The following API5 variants were observed in gnomAD, a reference collection of about 807,000 sequenced individuals.
API5 encodes the protein apoptosis inhibitor 5.
API5 carries 6 observed loss-of-function variants against 71.9 expected under a neutral mutation model. The ratio of observed to expected loss-of-function variants is 0.08; its 90% confidence interval spans 0.05 to 0.16. The LOEUF (loss-of-function observed/expected upper bound fraction) is 0.16, where lower values mean the gene tolerates loss of function less well. Among genes scored for constraint, API5 ranks in the 10% least tolerant of loss-of-function variants. API5 has a pLI of 1.00. For missense variants in API5, 332 were observed against 612.8 expected, an observed-to-expected ratio of 0.54 and a Z score of 4.84; for synonymous variants, 189 against 221.3, an observed-to-expected ratio of 0.85 and a Z score of 1.30.
At position 43,342,856 on chromosome 11, in the gene API5, GATC is replaced by G. The variant is rs1855668800; in HGVS notation, c.*351_*353del. The G allele has an allele frequency of 3.7e-6, 2 of 545,528 alleles. No individual in the cohort carries two copies. Among genetic ancestry groups the G allele is most frequent in the Non-Finnish European group, 6.4e-6 (2 of 310,266 alleles). 33.8% of individuals were successfully genotyped at this position (545,528 alleles called of 1,614,324 possible). ...AATTCAGTCTAGTTCTGCTGATAAAGATCATCAGTTTTGAAAGGTTACTGATTT... is the reference window on the plus strand; with the variant it reads ...AATTCAGTCTAGTTCTGCTGATAAAGATCAGTTTTGAAAGGTTACTGATTT... On this transcript the variant is annotated 3_prime_UTR_variant, in exon 14 of 14. Transcript: ENST00000531273.
At chr11:43,341,172 C>G (rs139846601) in intron 13 of API5, among the ~76,000 whole-genome samples, 21 of 152,172 alleles carry the variant, frequency 1.4e-4, no homozygotes, top group African/African-American at 4.8e-4. Flanking sequence ...TGAAAAAATT[C>G]TAAACACTAA....
rs1854487647 is a variant in API5 at position 43,312,046 on chromosome 11, T to C, written c.-82T>C. The C allele has an allele frequency of 6.0e-6, 9 of 1,490,256 alleles. No homozygotes were observed. Among genetic ancestry groups the C allele is most frequent in the South Asian group, 1.2e-5 (1 of 86,286 alleles). 92.3% of individuals were successfully genotyped at this position (1,490,256 alleles called of 1,614,324 possible). A position where few individuals can be genotyped will look rare whatever the true frequency, so the allele number is the denominator to read the frequency against. ...GCTGGAGGTGTAATAGTGCGGGTAGTGGGTTTGGAGAAGTTCCGAGGCGGC... is the reference window on the plus strand; with the variant it reads ...GCTGGAGGTGTAATAGTGCGGGTAGCGGGTTTGGAGAAGTTCCGAGGCGGC... On this transcript the variant is annotated 5_prime_UTR_variant, in exon 1 of 14. Coordinates refer to ENST00000531273, the MANE Select transcript of API5 (RefSeq NM_001142930.2).
chr11:43,313,739 T>G (rs1377785930), intron 1 of API5, among the ~76,000 whole-genome samples: 1 of 152,188 alleles, frequency 6.6e-6, no homozygotes, highest in African/African-American at 2.4e-5. Flanking sequence ...TGTTCTGCTG[T>G]ACATGTGGAT....
chr11:43,329,840 CTTCT>C, intron 9 of API5, 121 bp from the exon 10 acceptor site: 1 of 722,134 alleles, frequency 1.4e-6, no homozygotes, highest in East Asian at 2.7e-5. Context: ...TTAAAATTCT[CTTCT>C]TTAATTTACT....
intron 6 of API5, 26 bp downstream of exon 6, chr11:43,323,662 G>T: frequency 6.3e-7 from 1 of 1,590,652 alleles, no homozygotes; most frequent in South Asian, 1.1e-5. Flanking sequence ...TTACACACCC[G>T]GTATTAGCTA....
intron 1 of API5, among the ~76,000 whole-genome samples, chr11:43,312,976 A>C (rs1054548378): frequency 6.6e-6 from 1 of 151,872 alleles, no homozygotes; most frequent in Non-Finnish European, 1.5e-5. Context: ...GCGTGGTGAC[A>C]CGCGCTTGTA....
chr11:43,333,607 CAGAT>C (rs1212082885), intron 11 of API5, among the ~76,000 whole-genome samples: 5 of 152,188 alleles, frequency 3.3e-5, no homozygotes, highest in African/African-American at 9.6e-5. Flanking sequence ...TACATTAATA[CAGAT>C]AGATATATGA....
chr11:43,316,406 A>G (rs1168381267), intron 1 of API5, among the ~76,000 whole-genome samples: 1 of 150,750 alleles, frequency 6.6e-6, no homozygotes, highest in Admixed American at 6.6e-5. Flanking sequence ...TTTTTCATTT[A>G]ATTTTGGACA....
At chr11:43,321,627 T>A in intron 4 of API5, 151 bp downstream of exon 4, 1 of 618,080 alleles carries the variant, frequency 1.6e-6, no homozygotes, top group South Asian at 2.7e-5. Context: ...TAGGTCAAGA[T>A]GTTTATGACT....
chr11:43,326,698 AG>A, intron 7 of API5, 87 bp downstream of exon 7: 1 of 774,592 alleles, frequency 1.3e-6, no homozygotes, highest in Non-Finnish European at 2.2e-6. Context: ...CCGATTTCTA[AG>A]GGAGCAGTTT....
chr11:43,313,858 A>G (rs1294403757), intron 1 of API5, among the ~76,000 whole-genome samples: 1 of 152,040 alleles, frequency 6.6e-6, no homozygotes, highest in African/African-American at 2.4e-5. Flanking sequence ...AGGGGCGTGG[A>G]TGGGCAGATC....
At chr11:43,331,435 C>T (rs1453548534) in intron 11 of API5, 2 of 155,606 alleles carry the variant, frequency 1.3e-5, no homozygotes, top group African/African-American at 4.8e-5. Flanking sequence ...TTAATTAACA[C>T]ATTTTTTATA....
In API5 at chr11:43,328,804, G is replaced by A. The variant is rs1855155925; in HGVS notation, c.1038G>A (p.Leu346=). The A allele has an allele frequency of 6.2e-7, 1 of 1,614,072 alleles. No individual in the cohort carries two copies. The highest frequency in any genetic ancestry group is 8.5e-7 in the Non-Finnish European group (1 of 1,179,992). Residue 346 remains leucine, a synonymous_variant, in exon 9 of 14, where the codon TTG becomes TTA. Transcript: ENST00000531273. ...TACAGTTCAGTTATGTGGAATGTTTGTTGTACAGTTTTCACCAGTTGGGCC... is the reference window on the plus strand; with the variant it reads ...TACAGTTCAGTTATGTGGAATGTTTATTGTACAGTTTTCACCAGTTGGGCC... ...PKLQFSYVEC[L]LYSFHQLGRK... is the part of the protein sequence containing the mutation.
At chr11:43,337,440 GAACA>G (rs1326168044) in intron 13 of API5, among the ~76,000 whole-genome samples, 1 of 152,122 alleles carries the variant, frequency 6.6e-6, no homozygotes, top group Admixed American at 6.6e-5. Context: ...TCTAATGTCT[GAACA>G]AACAGATTAT....
chr11:43,326,284 T>C (rs1050099919), intron 6 of API5, among the ~76,000 whole-genome samples: 9 of 152,184 alleles, frequency 5.9e-5, no homozygotes, highest in African/African-American at 2.2e-4. Flanking sequence ...TTATATTTTT[T>C]ATTCTTTATC....
At chr11:43,333,968 G>A (rs1030691063) in intron 11 of API5, among the ~76,000 whole-genome samples, 1 of 152,094 alleles carries the variant, frequency 6.6e-6, no homozygotes, top group African/African-American at 2.4e-5. Context: ...GTAAATTCAA[G>A]TTTTGCTTTT....
At chr11:43,329,337 C>CCTG in intron 9 of API5, 1 of 154,760 alleles carries the variant, frequency 6.5e-6, no homozygotes, top group Non-Finnish European at 1.4e-5. Context: ...GAGATCATGT[C>CCTG]TCTGAAAAAA....
chr11:43,323,414 A>G lies in API5; in HGVS notation c.544-16A>G, dbSNP rs1312197781. On this transcript the variant is annotated splice_polypyrimidine_tract_variant and intron_variant, in intron 5 of 13. Coordinates refer to ENST00000531273, the MANE Select transcript of API5 (RefSeq NM_001142930.2). ...AATGATGAACATACTCTTATTCTGAATTGTCTCTTTTCCAGGTCCTAGAAG... is the reference window on the plus strand; with the variant it reads ...AATGATGAACATACTCTTATTCTGAGTTGTCTCTTTTCCAGGTCCTAGAAG... 1 of 1,598,234 alleles carries G rather than the reference A, an allele frequency of 6.3e-7. No individual in the cohort carries two copies. The highest frequency in any genetic ancestry group is 1.7e-5 in the Admixed American group (1 of 59,982).
At chr11:43,335,231 C>T (rs1448086485) in intron 11 of API5, 47 bp from the exon 12 acceptor site, 1 of 1,383,670 alleles carries the variant, frequency 7.2e-7, no homozygotes, top group Non-Finnish European at 1.0e-6. Context: ...CCACTCCCTG[C>T]CACCAACAAA....
Sources: allele counts gnomAD v4.1 joint callset (sites outside exome capture counted in the v4.1 genomes callset), GRCh38; gene constraint gnomAD v4.1.1; transcripts MANE v1.5; gene names NCBI Gene and HGNC (gene_info 2026-07-23, HGNC 2026-07-21).